REDIC1: variants seen among roughly 807,000 people sequenced by gnomAD.
The protein encoded by REDIC1 is HEI10 Interacting Protein 1.
At chr12:39,815,280 A>G in the REDIC1 span, among the ~76,000 whole-genome samples, 2 of 152,236 alleles carry the variant, frequency 1.3e-5, no homozygotes, top group African/African-American at 4.8e-5. Flanking sequence ...AACAGAATAA[A>G]GCAGAGAATA....
chr12:39,743,897 A>G, the REDIC1 span, among the ~76,000 whole-genome samples: 2 of 152,232 alleles, frequency 1.3e-5, no homozygotes, highest in Non-Finnish European at 2.9e-5. Flanking sequence ...AAGAGAATAA[A>G]GACAGAAAGG....
At chr12:39,805,393 G>T in the REDIC1 span, among the ~76,000 whole-genome samples, 1 of 152,098 alleles carries the variant, frequency 6.6e-6, no homozygotes, top group African/African-American at 2.4e-5. Context: ...GCAGGTGTAA[G>T]AGGTAGAAGT....
chr12:39,715,218 C>T, the REDIC1 span, among the ~76,000 whole-genome samples: 3 of 151,970 alleles, frequency 2.0e-5, no homozygotes, highest in Admixed American at 2.0e-4. Flanking sequence ...AGTCCTTAAT[C>T]AATCTTGAGT....
chr12:39,735,858 T>A, the REDIC1 span, among the ~76,000 whole-genome samples: 3 of 152,232 alleles, frequency 2.0e-5, no homozygotes, highest in African/African-American at 7.2e-5. Context: ...AGAGAAATGC[T>A]TATCTTGATG....
At chr12:39,720,937 A>T in the REDIC1 span, 1 of 1,613,762 alleles carries the variant, frequency 6.2e-7, no homozygotes, top group Non-Finnish European at 8.5e-7. Context: ...CAAAATTCAC[A>T]AACAGAATGA....
At chr12:39,769,625 C>A in the REDIC1 span, among the ~76,000 whole-genome samples, 1 of 152,102 alleles carries the variant, frequency 6.6e-6, no homozygotes, top group Admixed American at 6.6e-5. Context: ...AGTGTTCTTG[C>A]ATCTCATTCT....
the REDIC1 span, among the ~76,000 whole-genome samples, chr12:39,752,439 A>G: frequency 6.6e-6 from 1 of 152,164 alleles, no homozygotes; most frequent in Non-Finnish European, 1.5e-5. Flanking sequence ...TCCTAGGTCT[A>G]TGGAAAAAAT....
chr12:39,669,509 C>T, the REDIC1 span, among the ~76,000 whole-genome samples: 1 of 152,188 alleles, frequency 6.6e-6, no homozygotes, highest in Non-Finnish European at 1.5e-5. Flanking sequence ...CAGGGACCCA[C>T]TTGAGGGCGC....
the REDIC1 span, among the ~76,000 whole-genome samples, chr12:39,785,290 C>T: frequency 6.6e-6 from 1 of 152,186 alleles, no homozygotes; most frequent in Non-Finnish European, 1.5e-5. Flanking sequence ...GCTGCTCCAG[C>T]CACAGCTGAA....
the REDIC1 span, among the ~76,000 whole-genome samples, chr12:39,818,126 C>A: frequency 6.6e-6 from 1 of 152,210 alleles, no homozygotes; most frequent in Non-Finnish European, 1.5e-5. Context: ...ACTCAAGTGA[C>A]ATCCCCAGGT....
At chr12:39,631,970 T>G in the REDIC1 span, among the ~76,000 whole-genome samples, 1 of 152,088 alleles carries the variant, frequency 6.6e-6, no homozygotes, top group East Asian at 1.9e-4. Context: ...GCTTATACTT[T>G]TTGTTTAACC....
At chr12:39,626,392 C>T in the REDIC1 span, 26 of 1,613,596 alleles carry the variant, frequency 1.6e-5, no homozygotes, top group African/African-American at 3.1e-4. Context: ...GAGGCTGGGA[C>T]ATTCATTCCT....
chr12:39,710,258 G>A, the REDIC1 span, among the ~76,000 whole-genome samples: 2 of 151,806 alleles, frequency 1.3e-5, no homozygotes, highest in African/African-American at 4.8e-5. Context: ...GAGATAATGT[G>A]TGTATATGTG....
At chr12:39,767,620 T>C in the REDIC1 span, among the ~76,000 whole-genome samples, 3 of 152,044 alleles carry the variant, frequency 2.0e-5, no homozygotes, top group South Asian at 2.1e-4. Context: ...TTCATCTACA[T>C]TGAAAAATCT....
the REDIC1 span, among the ~76,000 whole-genome samples, chr12:39,708,419 CAGA>C: frequency 6.6e-6 from 1 of 151,796 alleles, no homozygotes; most frequent in African/African-American, 2.4e-5. Context: ...TCTTGCTTTG[CAGA>C]AGACTTATCT....
At chr12:39,734,291 A>C in the REDIC1 span, among the ~76,000 whole-genome samples, 1 of 152,210 alleles carries the variant, frequency 6.6e-6, no homozygotes, top group Non-Finnish European at 1.5e-5. Flanking sequence ...ATGGAAATGC[A>C]GAAATCACCC....
chr12:39,741,921 G>A, the REDIC1 span, among the ~76,000 whole-genome samples: 6 of 152,202 alleles, frequency 3.9e-5, no homozygotes, highest in Non-Finnish European at 5.9e-5. Flanking sequence ...GCCTGCAGAT[G>A]TGACTTAACC....
chr12:39,699,626 G>T, the REDIC1 span, among the ~76,000 whole-genome samples: 1 of 152,132 alleles, frequency 6.6e-6, no homozygotes, highest in African/African-American at 2.4e-5. Flanking sequence ...GCCTGCCTCT[G>T]TAGGCTCCAC....
the REDIC1 span, among the ~76,000 whole-genome samples, chr12:39,632,523 T>A: frequency 3.3e-5 from 5 of 152,182 alleles, no homozygotes; most frequent in Admixed American, 3.3e-4. Context: ...TACACATATA[T>A]GTATATATGT....
Sources: allele counts gnomAD v4.1 joint callset (sites outside exome capture counted in the v4.1 genomes callset), GRCh38; gene constraint gnomAD v4.1.1; transcripts MANE v1.5; gene names NCBI Gene and HGNC (gene_info 2026-07-23, HGNC 2026-07-21).